Variants in OTUD5 observed in about 807,000 individuals in gnomAD.
The protein encoded by OTUD5 is OTU domain-containing protein 5.
A neutral mutation model predicts 36.3 loss-of-function variants in OTUD5; 2 were observed. The observed-to-expected ratio is 0.06, with a 90% CI of 0.02 to 0.17. The LOEUF (loss-of-function observed/expected upper bound fraction) is 0.17, where lower values mean the gene tolerates loss of function less well. Ranked by LOEUF, OTUD5 falls within the 10% of genes least tolerant of loss-of-function variation. The pLI, the probability that OTUD5 is intolerant of heterozygous loss-of-function variation, is 1.00. For missense variants in OTUD5, 233 were observed against 512.3 expected (o/e 0.45, Z 5.26); for synonymous variants, 234 against 214.9 (o/e 1.09, Z -0.78).
intron 2 of OTUD5, among the ~76,000 whole-genome samples, chrX:48,939,585 C>A (rs1176325252): frequency 8.9e-6 from 1 of 111,849 alleles, no homozygotes; most frequent in Non-Finnish European, 1.9e-5. Flanking sequence ...GCCCTTGCCA[C>A]TTCAGGAAAG....
At chrX:48,934,673 G>A (rs1557049507) in intron 4 of OTUD5, 38 bp downstream of exon 4, 15 of 1,204,917 alleles carry the variant, frequency 1.2e-5, no homozygotes, top group Non-Finnish European at 1.7e-5. Flanking sequence ...GCTCGAATGA[G>A]GCACCATCTT....
In OTUD5 at chrX:48,940,479, C is replaced by T. The variant is rs142679846; in HGVS notation, c.688+3711G>A. On this transcript the variant is annotated intron_variant, in intron 2 of 8. Transcript: ENST00000376488. ...GATCTCAGATCCATCCCTCCTAGTGCTGATGTTCCAAGACCAAAAGGCCCA... is the reference window on the plus strand; with the variant it reads ...GATCTCAGATCCATCCCTCCTAGTGTTGATGTTCCAAGACCAAAAGGCCCA... 9.4e-3 allele frequency: 1,059 copies of T among 112,781 alleles called. 17 individuals are homozygous for T. Among genetic ancestry groups the T allele is most frequent in the African/African-American group, 0.033 (1,010 of 30,799 alleles). 9.3% of individuals were successfully genotyped at this position (112,781 alleles called of 1,213,427 possible).
chrX:48,930,203 A>C (rs2063730664), intron 5 of OTUD5, among the ~76,000 whole-genome samples: 1 of 112,579 alleles, frequency 8.9e-6, no homozygotes, highest in Non-Finnish European at 1.9e-5. Flanking sequence ...AGTCTGTAAC[A>C]CCAAAGGCAA....
chrX:48,943,019 G>A (rs1175558801), intron 2 of OTUD5, among the ~76,000 whole-genome samples: 1 of 111,001 alleles, frequency 9.0e-6, no homozygotes, highest in Non-Finnish European at 1.9e-5. Flanking sequence ...GAGAATAGCA[G>A]ACCAAGAAGG....
At chrX:48,948,002 A>C (rs1557052803) in intron 1 of OTUD5, among the ~76,000 whole-genome samples, 1 of 112,395 alleles carries the variant, frequency 8.9e-6, no homozygotes, top group Non-Finnish European at 1.9e-5. Context: ...GACCTCGTTT[A>C]ATTTTCCTGA....
intron 1 of OTUD5, among the ~76,000 whole-genome samples, chrX:48,947,961 G>T (rs2064061841): frequency 8.9e-6 from 1 of 112,116 alleles, no homozygotes; most frequent in African/African-American, 3.2e-5. Flanking sequence ...CATATTAACT[G>T]AATACCTGCC....
chrX:48,957,822 T>A, upstream of OTUD5: 1 of 765,198 alleles, frequency 1.3e-6, no homozygotes, highest in Non-Finnish European at 1.5e-6. Flanking sequence ...TGCGGCGAGT[T>A]TGTCTTAGCC....
At chrX:48,948,715 A>G (rs1328606150) in intron 1 of OTUD5, among the ~76,000 whole-genome samples, 2 of 109,638 alleles carry the variant, frequency 1.8e-5, no homozygotes, top group Admixed American at 9.8e-5. Context: ...GTTGCTCAGG[A>G]AGGGCTAGTA....
intron 5 of OTUD5, among the ~76,000 whole-genome samples, chrX:48,929,496 A>T (rs986945768): frequency 9.5e-6 from 1 of 105,524 alleles, no homozygotes; most frequent in African/African-American, 3.5e-5. Context: ...CGAGGCAGGC[A>T]GATCACCTGA....
At chrX:48,924,415 G>A (rs1557047218) in intron 6 of OTUD5, among the ~76,000 whole-genome samples, 1 of 111,484 alleles carries the variant, frequency 9.0e-6, no homozygotes. Context: ...TCACTCACCA[G>A]ACTCCACTGG....
chrX:48,945,986 G>C (rs2064021764), intron 1 of OTUD5, among the ~76,000 whole-genome samples: 1 of 111,340 alleles, frequency 9.0e-6, no homozygotes, highest in African/African-American at 3.3e-5. Context: ...CTAGCAACAA[G>C]GCTGCAAACT....
At chrX:48,951,475 C>T (rs1474745153) in intron 1 of OTUD5, among the ~76,000 whole-genome samples, 2 of 111,790 alleles carry the variant, frequency 1.8e-5, no homozygotes, top group Admixed American at 9.4e-5. Context: ...ATTAGCCAGA[C>T]GAGGTGGCAG....
chrX:48,951,198 T>C (rs2064135841), intron 1 of OTUD5, among the ~76,000 whole-genome samples: 1 of 111,420 alleles, frequency 9.0e-6, no homozygotes, highest in South Asian at 3.7e-4. Context: ...ACAGATGTCT[T>C]CCCAGAGCCT....
chrX:48,943,482 G>A (rs2063968615), intron 2 of OTUD5, among the ~76,000 whole-genome samples: 1 of 111,661 alleles, frequency 9.0e-6, no homozygotes, highest in Non-Finnish European at 1.9e-5. Flanking sequence ...CTTCTTTCAG[G>A]GGAGTGAGAA....
chrX:48,955,995 G>C (rs1557055118), intron 1 of OTUD5, among the ~76,000 whole-genome samples: 1 of 110,845 alleles, frequency 9.0e-6, no homozygotes, highest in African/African-American at 3.3e-5. Context: ...GTGGATCTTA[G>C]GCCCTAGGAT....
Position 48,922,415 on chromosome X carries a change from C to T in OTUD5, c.*759G>A, listed in dbSNP as rs1557046419. The T allele has an allele frequency of 9.8e-6, 4 of 406,144 alleles. No individual in the cohort carries two copies. Among genetic ancestry groups the T allele is most frequent in the African/African-American group, 2.7e-5 (1 of 36,394 alleles). 33.5% of individuals were successfully genotyped at this position (406,144 alleles called of 1,213,427 possible). On this transcript the variant is annotated 3_prime_UTR_variant, in exon 9 of 9. Transcript: ENST00000376488. ...GGTGGTGGAAGCAAAAGGAATGCAG[C>T]AAGGTCAGGGTTTCATTGTCCAAGC...
chrX:48,929,473 C>T (rs1021955101), intron 5 of OTUD5, among the ~76,000 whole-genome samples: 61 of 110,916 alleles, frequency 5.5e-4, no homozygotes, highest in African/African-American at 2.0e-3. Context: ...GTAATCCCAG[C>T]ACTTTGGGAG....
Position 48,923,023 on chromosome X carries a change from G to A in OTUD5, c.*151C>T. On this transcript the variant is annotated 3_prime_UTR_variant, in exon 9 of 9. Coordinates refer to ENST00000376488, the MANE Select transcript of OTUD5 (RefSeq NM_001136157.2). ...CGGCAATGAGAGAGAGTGCAGGGGT[G>A]GGCTAGCCAGAGGGAAGTGAGGAGG... 2 of 1,132,352 alleles carry A rather than the reference G, an allele frequency of 1.8e-6. No individual in the cohort carries two copies. The highest frequency in any genetic ancestry group is 1.8e-5 in the African/African-American group (1 of 55,938). 93.3% of individuals were successfully genotyped at this position (1,132,352 alleles called of 1,213,427 possible). A position where few individuals can be genotyped will look rare whatever the true frequency, so the allele number is the denominator to read the frequency against.
intron 1 of OTUD5, among the ~76,000 whole-genome samples, chrX:48,950,135 A>C (rs1487560655): frequency 2.6e-4 from 19 of 72,832 alleles, no homozygotes; most frequent in Admixed American, 2.1e-3. Context: ...ATTCCACCTC[A>C]AAAAAAAAAA....
Sources: gnomAD v4.1 joint callset for allele counts (sites outside exome capture counted in the v4.1 genomes callset) on GRCh38, gnomAD v4.1.1 for gene constraint, MANE v1.5 for transcripts, NCBI Gene and HGNC (gene_info 2026-07-23, HGNC 2026-07-21) for gene names.